The following METTL16 variants were observed in gnomAD, a reference collection of about 807,000 sequenced individuals.
METTL16 encodes RNA N(6)-adenosine-methyltransferase METTL16.
In METTL16, 19 loss-of-function variants were observed where a neutral mutation model predicts 57.9. The observed-to-expected ratio is 0.33, with a 90% CI of 0.23 to 0.48. METTL16 has a LOEUF of 0.48. Ranked by LOEUF, METTL16 falls within the 20% of genes least tolerant of loss-of-function variation. The probability of loss-of-function intolerance (pLI) is 0.99; values close to 1 mark genes in which losing one functional copy is unlikely to be tolerated. For synonymous variants in METTL16, 246 were observed against 255.6 expected (o/e 0.96, Z 0.36); for missense variants, 434 against 691.5 (o/e 0.63, Z 4.18).
chr17:2,459,313 C>T (rs1182709580), intron 6 of METTL16, among the ~76,000 whole-genome samples: 1 of 152,188 alleles, frequency 6.6e-6, no homozygotes, highest in Admixed American at 6.5e-5. Flanking sequence ...GTTCTAATTT[C>T]CAGTCTGTAA....
chr17:2,424,109 TTTA>T (rs1450199784), intron 8 of METTL16: 3 of 73,830 alleles, frequency 4.1e-5, no homozygotes, highest in South Asian at 9.2e-4. Context: ...TTTATTTTAT[TTTA>T]TTATTTTATT....
At chr17:2,466,505 T>C (rs1212352715) in intron 5 of METTL16, among the ~76,000 whole-genome samples, 2 of 152,198 alleles carry the variant, frequency 1.3e-5, no homozygotes, top group Admixed American at 1.3e-4. Context: ...GCTGGGTTTC[T>C]CAAATATGTC....
chr17:2,425,547 CAAT>C (rs1242637638), intron 8 of METTL16, among the ~76,000 whole-genome samples: 1 of 152,158 alleles, frequency 6.6e-6, no homozygotes, highest in Non-Finnish European at 1.5e-5. Context: ...GAATGATCAT[CAAT>C]AAGAGAGGAA....
chr17:2,508,675 A>C (rs955258534), intron 1 of METTL16, among the ~76,000 whole-genome samples: 1 of 151,902 alleles, frequency 6.6e-6, no homozygotes, highest in Non-Finnish European at 1.5e-5. Context: ...CTCTTCATAA[A>C]CACTCTTGCC....
At chr17:2,437,850 A>G (rs997008332) in intron 8 of METTL16, among the ~76,000 whole-genome samples, 9 of 152,194 alleles carry the variant, frequency 5.9e-5, no homozygotes, top group African/African-American at 1.9e-4. Flanking sequence ...ATGCCCAGCC[A>G]AATTTTTAAT....
chr17:2,511,782 G>C lies in METTL16; in HGVS notation c.-24C>G. 2.5e-6 allele frequency: 1 copy of C among 398,618 alleles called. No individual in the cohort carries two copies. The highest frequency in any genetic ancestry group is 2.1e-5 in the African/African-American group (1 of 48,748). 24.7% of individuals were successfully genotyped at this position (398,618 alleles called of 1,614,324 possible). A position where few individuals can be genotyped will look rare whatever the true frequency, so the allele number is the denominator to read the frequency against. ...ACCTCTGAGGCCGAGGTTCCTGCCA[G>C]ACGTCGTGTCTGGCGTGGGCCTGTA... is the stretch of plus-strand genomic sequence containing the variant. On this transcript the variant is annotated 5_prime_UTR_variant, in exon 1 of 10. Transcript: ENST00000263092.
intron 8 of METTL16, among the ~76,000 whole-genome samples, chr17:2,429,198 CTT>C (rs55994674): frequency 4.2e-5 from 5 of 120,340 alleles, no homozygotes; most frequent in Non-Finnish European, 4.9e-5. Context: ...AAGAATGAAA[CTT>C]TTTTTTTTTT....
Position 2,477,715 on chromosome 17 carries a change from T to C in METTL16, c.299A>G (p.Lys100Arg). 6.2e-7 allele frequency: 1 copy of C among 1,613,954 alleles called. No homozygotes were observed. The highest frequency in any genetic ancestry group is 8.5e-7 in the Non-Finnish European group (1 of 1,179,792). Residue 100 changes from lysine to arginine, a missense_variant, in exon 3 of 10, where the codon AAA (lysine) becomes AGA (arginine). By Grantham distance (26) the Lys-to-Arg change is conservative. This residue lies in a region of METTL16 where 118 missense variants were observed against 280.0 expected (regional missense o/e 0.42). Transcript: ENST00000263092. ...EDLIGHQDSD[K>R]STLRRGIDIG... ...GTCAATTCCTCTTCGGAGAGTACTTTTGTCAGAATCCTGGTGACCGATCAG... is the reference window on the plus strand; with the variant it reads ...GTCAATTCCTCTTCGGAGAGTACTTCTGTCAGAATCCTGGTGACCGATCAG...
intron 2 of METTL16, among the ~76,000 whole-genome samples, chr17:2,485,998 G>C (rs1017324294): frequency 3.3e-5 from 5 of 152,142 alleles, no homozygotes; most frequent in South Asian, 2.1e-4. Context: ...GAAGGGAAGG[G>C]AACGTGGCAT....
At position 2,473,518 on chromosome 17, in the gene METTL16, G is replaced by A. The variant is rs761065530; in HGVS notation, c.469+6C>T. 1.6e-5 allele frequency: 26 copies of A among 1,608,584 alleles called. No homozygotes were observed. Among genetic ancestry groups the A allele is most frequent in the Admixed American group, 6.8e-5 (4 of 58,656 alleles). The stretch of plus-strand genomic sequence containing the variant: ...AGTTTGGAGGCATTCATTCTGTGGC[G>A]CTAACCTTTTATGAGATCAGATAAG... On this transcript the variant is annotated splice_donor_region_variant and intron_variant, in intron 4 of 9. Coordinates refer to ENST00000263092, the MANE Select transcript of METTL16 (RefSeq NM_024086.4).
chr17:2,444,436 C>T (rs770991733), intron 6 of METTL16, among the ~76,000 whole-genome samples: 1 of 151,632 alleles, frequency 6.6e-6, no homozygotes, highest in African/African-American at 2.4e-5. Context: ...GGCTACAGAG[C>T]GAGACTCTGT....
In METTL16 at chr17:2,417,058, C is replaced by CTTTTTTGTTTTTTT. The variant is rs2066722549; in HGVS notation, c.*2911_*2912insAAAAAAACAAAAAA. ...TGAAAGCTGGCCTGCTCATGGGTTCCTTTTTTTTTTTTTTTTTTTTTTTTT... is the reference window on the plus strand; with the variant it reads ...TGAAAGCTGGCCTGCTCATGGGTTCCTTTTTTGTTTTTTTTTTTTTTTTTTTTTTTTTTTTTTTT... On this transcript the variant is annotated 3_prime_UTR_variant, in exon 10 of 10. Transcript: ENST00000263092. 1.6e-5 allele frequency: 1 copy of CTTTTTTGTTTTTTT among 61,534 alleles called. No individual in the cohort carries two copies. The highest frequency in any genetic ancestry group is 2.8e-5 in the Non-Finnish European group (1 of 35,662). 3.8% of individuals were successfully genotyped at this position (61,534 alleles called of 1,614,324 possible).
chr17:2,449,505 G>A (rs1034287244), intron 6 of METTL16, among the ~76,000 whole-genome samples: 1 of 150,652 alleles, frequency 6.6e-6, no homozygotes, highest in African/African-American at 2.5e-5. Flanking sequence ...ACCATGTCTG[G>A]CTTAAAACAA....
intron 6 of METTL16, among the ~76,000 whole-genome samples, chr17:2,446,625 C>T (rs1253644828): frequency 8.3e-6 from 1 of 119,910 alleles, no homozygotes; most frequent in East Asian, 2.0e-4. Context: ...CCTCTCCCTC[C>T]ACGGTCTCCT....
chr17:2,447,024 G>A (rs1460228867), intron 6 of METTL16, among the ~76,000 whole-genome samples: 4 of 150,070 alleles, frequency 2.7e-5, no homozygotes, highest in South Asian at 4.2e-4. Flanking sequence ...AGTGAGGAGC[G>A]TCTCTGCTTG....
chr17:2,478,018 T>G (rs1433828003), intron 2 of METTL16, 133 bp from the exon 3 acceptor site: 2 of 666,528 alleles, frequency 3.0e-6, no homozygotes, highest in African/African-American at 3.6e-5. Flanking sequence ...CACAGAGCAC[T>G]CATCCCAGTG....
intron 8 of METTL16, among the ~76,000 whole-genome samples, chr17:2,423,298 G>A (rs1216043419): frequency 7.0e-6 from 1 of 142,472 alleles, no homozygotes; most frequent in Non-Finnish European, 1.5e-5. Context: ...GTGTGTGTGT[G>A]TGTGTTTGAA....
chr17:2,450,004 A>C (rs937849737), intron 6 of METTL16, among the ~76,000 whole-genome samples: 10 of 152,236 alleles, frequency 6.6e-5, no homozygotes, highest in Non-Finnish European at 1.5e-4. Context: ...AAATGGTGTC[A>C]ACGGAAACTC....
rs1229439195 is a variant in METTL16 at position 2,420,360 on chromosome 17, C to A, written c.1299G>T (p.Gly433=). Residue 433 remains glycine, a synonymous_variant, in exon 10 of 10, where the codon GGG becomes GGT. Transcript: ENST00000263092. This position sits in a 1 kb window ranked among gnomAD's most constrained non-coding sequence, Gnocchi z 5.4. ...CAGCCTCGCCTTCCCGCAGAGCAGG[C>A]CCACAGGGGGTCCTCTCCTGGGGGC... ...ARGPQERTPC[G]PALREGEAAA... 6.2e-7 allele frequency: 1 copy of A among 1,612,094 alleles called. No homozygotes were observed. The highest frequency in any genetic ancestry group is 1.3e-5 in the African/African-American group (1 of 75,066).
Sources: allele counts gnomAD v4.1 joint callset (sites outside exome capture counted in the v4.1 genomes callset), GRCh38; gene constraint gnomAD v4.1.1; regional missense constraint gnomAD v4.1.1; non-coding constraint Gnocchi (gnomAD v3.1); transcripts MANE v1.5; gene names NCBI Gene and HGNC (gene_info 2026-07-23, HGNC 2026-07-21).